Variants in LGI3 observed in about 807,000 individuals in gnomAD.
LGI3 encodes leucine-rich repeat LGI family member 3.
Under a neutral mutation model 55.4 loss-of-function variants are expected in LGI3, and 47 were observed. The observed-to-expected ratio is 0.85, with a 90% CI of 0.67 to 1.08. LGI3 has a LOEUF of 1.08. Among genes scored for constraint, LGI3 ranks in the 50% least tolerant of loss-of-function variants. LGI3 has a pLI of 0.00. For missense variants in LGI3, 664 were observed against 726.3 expected (o/e 0.91, Z 0.99); for synonymous variants, 326 against 315.0 (o/e 1.04, Z -0.37).
chr8:22,148,948 C>G lies in LGI3; in HGVS notation c.859G>C (p.Val287Leu). 6.2e-7 allele frequency: 1 copy of G among 1,613,240 alleles called. No homozygotes were observed. Among genetic ancestry groups the G allele is most frequent in the African/African-American group, 1.3e-5 (1 of 75,052 alleles). ...APSAVHCKPM[V>L]VDSQLYVVVA... ...ACCACGTACAGCTGGCTGTCCACCA[C>G]CATCGGCTTGCAGTGCACTGCAGAG... Residue 287 changes from valine to leucine, a missense_variant, in exon 8 of 8, where the codon GTG becomes CTG. Transcript: ENST00000306317. This position sits in a 1 kb window ranked among gnomAD's most constrained non-coding sequence, Gnocchi z 7.0.
In LGI3 at chr8:22,148,604, G is replaced by C. The variant is rs772298743; in HGVS notation, c.1203C>G (p.Ile401Met). 1.1e-5 allele frequency: 17 copies of C among 1,613,810 alleles called. No individual in the cohort carries two copies. Among genetic ancestry groups the C allele is most frequent in the Non-Finnish European group, 1.3e-5 (15 of 1,180,026 alleles). The change falls in exon 8 of 8, where the codon ATC (isoleucine) becomes ATG (methionine). Residue 401 changes from isoleucine to methionine, a missense_variant. By Grantham distance (10) the Ile-to-Met change is conservative. Transcript: ENST00000306317. The surrounding 1 kb of genome is among the most constrained non-coding windows in gnomAD (Gnocchi z 7.0). ...GCTTCTGGGTGCGACTCCACTGATA[G>C]ATGACGGGTGCCTGGGAGCTGCTGG... ...IVSSSSQAPV[I>M]YQWSRTQKQF...
At chr8:22,153,728 AC>A (rs1377204870) in intron 5 of LGI3, among the ~76,000 whole-genome samples, 15 of 97,810 alleles carry the variant, frequency 1.5e-4, no homozygotes, top group East Asian at 1.2e-3. Flanking sequence ...AAAAAAAAAC[AC>A]ACACACACAT....
Position 22,150,516 on chromosome 8 carries a change from G to A in LGI3, c.829+973C>T, listed in dbSNP as rs1291404429. 5.9e-5 allele frequency among the ~76,000 whole-genome samples: 9 copies of A among 151,802 alleles called. No individual in the cohort carries two copies. In the East Asian group the frequency reaches 9.7e-4, roughly 16 times the overall value. On this transcript the variant is annotated intron_variant, in intron 7 of 7. Transcript: ENST00000306317. The stretch of plus-strand genomic sequence containing the variant: ...TGGGACTACAGGCACCTGCCACCAC[G>A]CCCAGCTAATTTTTTGTATTTTTAG...
intron 1 of LGI3, among the ~76,000 whole-genome samples, chr8:22,155,760 A>G (rs1171836606): frequency 2.6e-5 from 4 of 152,114 alleles, no homozygotes; most frequent in Non-Finnish European, 5.9e-5. Context: ...AACACCCACA[A>G]TGGGCTGGGT....
At chr8:22,152,094 G>A in intron 5 of LGI3, 94 bp from the exon 6 acceptor site, 1 of 1,024,144 alleles carries the variant, frequency 9.8e-7, no homozygotes, top group Non-Finnish European at 1.4e-6. Flanking sequence ...AAATAGAGCT[G>A]GTCAAGGCTG....
rs375380959 is a variant in LGI3 at position 22,154,591 on chromosome 8, C to T, written c.319G>A (p.Ala107Thr). 18 of 1,613,888 alleles carry T rather than the reference C, an allele frequency of 1.1e-5. No individual in the cohort carries two copies. The highest frequency in any genetic ancestry group is 6.7e-5 in the East Asian group (3 of 44,890). ...SNKFTLIGDN[A>T]FTGLSHLQYL... ...TGCAGGTGCGACAGTCCTGTGAAGG[C>T]GTTGTCTCCAATCAGTGTAAACTTG... The change falls in exon 3 of 8, where the codon GCC becomes ACC. Residue 107 changes from alanine to threonine, a missense_variant. By Grantham distance (58) the Ala-to-Thr change is moderately conservative (BLOSUM62 0). Transcript: ENST00000306317.
Position 22,151,614 on chromosome 8 carries a change from G to A in LGI3, c.704C>T (p.Ser235Leu), listed in dbSNP as rs201808322. Residue 235 changes from serine to leucine, a missense_variant, in exon 7 of 8, where the codon TCG becomes TTG. Transcript: ENST00000306317. Reference sequence around the variant, plus strand: ...ACTGGAGTAGAGGAAGGGCTCAGCCGACACTGCTGGGAAGGCCAGGGTCTG... The same window carrying A: ...ACTGGAGTAGAGGAAGGGCTCAGCCAACACTGCTGGGAAGGCCAGGGTCTG... ...LYQTLAFPAVSAEPFLYSSDL... is the reference protein window; with the variant it reads ...LYQTLAFPAVLAEPFLYSSDL... The A allele has an allele frequency of 1.6e-5, 26 of 1,614,106 alleles. No homozygotes were observed. Among genetic ancestry groups the A allele is most frequent in the African/African-American group, 4.0e-5 (3 of 75,042 alleles).
intron 1 of LGI3, 91 bp downstream of exon 1, chr8:22,156,246 G>T: frequency 7.3e-7 from 1 of 1,371,758 alleles, no homozygotes; most frequent in Non-Finnish European, 1.0e-6. Context: ...GCACTCTGAA[G>T]AGGGGGAGCG....
At chr8:22,155,202 G>T (rs913096045) in intron 2 of LGI3, 190 bp downstream of exon 2, 6 of 614,952 alleles carry the variant, frequency 9.8e-6, no homozygotes, top group Non-Finnish European at 1.7e-5. Context: ...CTGTCCTCCT[G>T]CTGCCCCGAC....
intron 6 of LGI3, 69 bp downstream of exon 6, chr8:22,151,762 G>T: frequency 1.3e-6 from 2 of 1,566,812 alleles, no homozygotes; most frequent in Non-Finnish European, 1.7e-6. Context: ...GCAGGGTGGG[G>T]GGTTTCGTGT....
rs1159948895 is a variant in LGI3, at chr8:22,146,858, C to G, written c.*1302G>C. 1 of 152,288 alleles carries G rather than the reference C, an allele frequency of 6.6e-6. No individual in the cohort carries two copies. The highest frequency in any genetic ancestry group is 2.4e-5 in the African/African-American group (1 of 41,458). 9.4% of individuals were successfully genotyped at this position (152,288 alleles called of 1,614,324 possible). The stretch of plus-strand genomic sequence containing the variant: ...TGGGGCGGGAACTTTTTATTTGAAG[C>G]AAGTTAATCATAGCATTGCCCCCCA... On this transcript the variant is annotated 3_prime_UTR_variant, in exon 8 of 8. Coordinates refer to ENST00000306317, the MANE Select transcript of LGI3 (RefSeq NM_139278.4).
Position 22,154,150 on chromosome 8 carries a change from C to A in LGI3, c.414G>T (p.Leu138Phe). The change falls in exon 4 of 8, where the codon TTG becomes TTT. Residue 138 changes from leucine to phenylalanine, a missense_variant. Leu to Phe is a conservative substitution (Grantham distance 22). Transcript: ENST00000306317. ...ATGTGTGACGTACTCACAGGTGAGTCAAGGACTTGAGTCCTCGGAAGGTGA... is the reference window on the plus strand; with the variant it reads ...ATGTGTGACGTACTCACAGGTGAGTAAAGGACTTGAGTCCTCGGAAGGTGA... Reference protein sequence around the residue: ...SKFTFRGLKSLTHLSLANNNL... With the variant: ...SKFTFRGLKSFTHLSLANNNL... 6.2e-7 allele frequency: 1 copy of A among 1,613,976 alleles called. No individual in the cohort carries two copies. The highest frequency in any genetic ancestry group is 1.1e-5 in the South Asian group (1 of 91,074).
At chr8:22,155,577 T>A in intron 1 of LGI3, 114 bp from the exon 2 acceptor site, 1 of 829,136 alleles carries the variant, frequency 1.2e-6, no homozygotes, top group Non-Finnish European at 2.0e-6. Flanking sequence ...AAATGCCCCA[T>A]TTCACCTAAT....
At position 22,151,592 on chromosome 8, in the gene LGI3, G is replaced by A. The variant is rs777625774; in HGVS notation, c.726C>T (p.Ser242=). 3.7e-6 allele frequency: 6 copies of A among 1,614,106 alleles called. No homozygotes were observed. The highest frequency in any genetic ancestry group is 5.1e-6 in the Non-Finnish European group (6 of 1,180,000). The change falls in exon 7 of 8, where the codon TCC becomes TCT. Residue 242 remains serine, a synonymous_variant. Coordinates refer to ENST00000306317, the MANE Select transcript of LGI3 (RefSeq NM_139278.4). The stretch of plus-strand genomic sequence containing the variant: ...GGGCCAGAGCCAAATAGAGGTCACT[G>A]GAGTAGAGGAAGGGCTCAGCCGACA... ...PAVSAEPFLY[S]SDLYLALAQP... is the part of the protein sequence containing the mutation.
Position 22,156,505 on chromosome 8 carries a change from C to T in LGI3, c.38G>A (p.Gly13Glu), listed in dbSNP as rs2131799231. 1 of 1,404,472 alleles carries T rather than the reference C, an allele frequency of 7.1e-7. No homozygotes were observed. Among genetic ancestry groups the T allele is most frequent in the African/African-American group, 1.5e-5 (1 of 65,950 alleles). 87.0% of individuals were successfully genotyped at this position (1,404,472 alleles called of 1,614,324 possible). Residue 13 changes from glycine to glutamate, a missense_variant, in exon 1 of 8, where the codon GGG becomes GAG. By Grantham distance (98) the Gly-to-Glu change is moderately conservative. Coordinates refer to ENST00000306317, the MANE Select transcript of LGI3 (RefSeq NM_139278.4). The part of the protein sequence containing the change: ...GLRARGGPGP[G>E]LLALSALGFC... ...GCCGAGCGCGGAGAGCGCCAGCAGC[C>T]CCGGCCCCGGGCCCCCCCTGGCCCG... is the stretch of plus-strand genomic sequence containing the variant.
Position 22,148,541 on chromosome 8 carries a change from A to G in LGI3, c.1266T>C (p.Asp422=), listed in dbSNP as rs748117229. 2 of 1,613,874 alleles carry G rather than the reference A, an allele frequency of 1.2e-6. No individual in the cohort carries two copies. The highest frequency in any genetic ancestry group is 1.7e-6 in the Non-Finnish European group (2 of 1,180,026). Residue 422 remains aspartate, a synonymous_variant, in exon 8 of 8, where the codon GAT becomes GAC. Coordinates refer to ENST00000306317, the MANE Select transcript of LGI3 (RefSeq NM_139278.4). This position sits in a 1 kb window ranked among gnomAD's most constrained non-coding sequence, Gnocchi z 7.0. The part of the protein sequence containing the change: ...VAQGEVTQVP[D]AQAVKHFRAG... ...CACGAAAGTGTTTCACAGCTTGGGC[A>G]TCAGGCACCTGGGTCACCTCACCCT...
chr8:22,147,834 C>T lies in LGI3; in HGVS notation c.*326G>A, dbSNP rs1269882156. ...AAGGACAGGAGGATGCGGCCCCCCT[C>T]GCTCCCAGCACCCCGCACCACTCGT... On this transcript the variant is annotated 3_prime_UTR_variant, in exon 8 of 8. Coordinates refer to ENST00000306317, the MANE Select transcript of LGI3 (RefSeq NM_139278.4). 1.4e-5 allele frequency: 4 copies of T among 285,342 alleles called. No homozygotes were observed. Among genetic ancestry groups the T allele is most frequent in the South Asian group, 1.3e-4 (2 of 15,488 alleles). 17.7% of individuals were successfully genotyped at this position (285,342 alleles called of 1,614,324 possible). A position where few individuals can be genotyped will look rare whatever the true frequency, so the allele number is the denominator to read the frequency against.
intron 7 of LGI3, among the ~76,000 whole-genome samples, chr8:22,149,584 C>A (rs923955315): frequency 6.6e-6 from 1 of 152,146 alleles, no homozygotes. Context: ...TTTGAAAGGG[C>A]TTTTATATAC....
intron 7 of LGI3, among the ~76,000 whole-genome samples, chr8:22,149,664 C>T (rs1383645504): frequency 6.6e-6 from 1 of 152,182 alleles, no homozygotes. Flanking sequence ...GCACCAAGCA[C>T]ATGAAACCAT....
Sources: gnomAD v4.1 joint callset for allele counts (sites outside exome capture counted in the v4.1 genomes callset) on GRCh38, gnomAD v4.1.1 for gene constraint, Gnocchi (gnomAD v3.1) non-coding constraint, MANE v1.5 for transcripts, NCBI Gene and HGNC (gene_info 2026-07-23, HGNC 2026-07-21) for gene names.